ARHGAP39: variants seen among roughly 807,000 people sequenced by gnomAD.
ARHGAP39 encodes Rho GTPase activating protein 39, also known as rho GTPase-activating protein 39.
Under a neutral mutation model 106.9 loss-of-function variants are expected in ARHGAP39, and 44 were observed. That is an observed-to-expected ratio of 0.41 (90% confidence interval 0.32 to 0.53). The LOEUF (loss-of-function observed/expected upper bound fraction) is 0.53, where lower values mean the gene tolerates loss of function less well. Ranked by LOEUF, ARHGAP39 falls within the 20% of genes least tolerant of loss-of-function variation. The probability of loss-of-function intolerance (pLI) is 0.21; values close to 1 mark genes in which losing one functional copy is unlikely to be tolerated. For synonymous variants in ARHGAP39, 768 were observed against 693.2 expected (o/e 1.11, Z -1.69); for missense variants, 1,496 against 1,577.3 (o/e 0.95, Z 0.87).
intron 2 of ARHGAP39, among the ~76,000 whole-genome samples, chr8:144,596,405 G>A (rs1819625715): frequency 6.6e-6 from 1 of 152,142 alleles, no homozygotes; most frequent in Non-Finnish European, 1.5e-5. Context: ...CCCCGGCGCT[G>A]TCCATCACCG....
At chr8:144,622,915 G>A (rs563734675) in intron 1 of ARHGAP39, among the ~76,000 whole-genome samples, 124 of 152,310 alleles carry the variant, frequency 8.1e-4, no homozygotes, top group African/African-American at 2.8e-3. Flanking sequence ...GCCGGGGGAC[G>A]CCCCAAGGCT....
intron 1 of ARHGAP39, 195 bp from the exon 2 acceptor site, chr8:144,605,890 C>G (rs989122380): frequency 2.7e-5 from 13 of 489,566 alleles, no homozygotes; most frequent in African/African-American, 1.9e-4. Context: ...GAAGCCTGGC[C>G]AGCCCCACAC....
chr8:144,588,817 A>G (rs1256949233), intron 2 of ARHGAP39, among the ~76,000 whole-genome samples: 1 of 152,240 alleles, frequency 6.6e-6, no homozygotes, highest in Non-Finnish European at 1.5e-5. Context: ...GCGCCGTGAC[A>G]TGAGAGCAGC....
At chr8:144,674,448 G>C (rs1418872488) in intron 1 of ARHGAP39, among the ~76,000 whole-genome samples, 1 of 152,232 alleles carries the variant, frequency 6.6e-6, no homozygotes, top group Non-Finnish European at 1.5e-5. Context: ...GTCTGGCTGA[G>C]TCCAGGGTTT....
intron 1 of ARHGAP39, among the ~76,000 whole-genome samples, chr8:144,609,223 T>C (rs1820398144): frequency 6.6e-6 from 1 of 152,184 alleles, no homozygotes; most frequent in Non-Finnish European, 1.5e-5. Flanking sequence ...GTCAAGTTAT[T>C]TTTTAAATTA....
Position 144,532,296 on chromosome 8 carries a change from G to C in ARHGAP39, c.2980+9C>G, listed in dbSNP as rs761333246. 4 of 1,612,222 alleles carry C rather than the reference G, an allele frequency of 2.5e-6. No individual in the cohort carries two copies. The East Asian group carries it at 8.9e-5, about 36-fold the overall frequency. ...GCCCGCTCTGCTGCAGCGTGTGTGG[G>C]GGACTCACCAGGGACGTGGGGGTCT... On this transcript the variant is annotated intron_variant, in intron 10 of 11. Coordinates refer to ENST00000377307, the MANE Select transcript of ARHGAP39 (RefSeq NM_025251.3).
intron 1 of ARHGAP39, among the ~76,000 whole-genome samples, chr8:144,640,202 G>A (rs1022953705): frequency 4.6e-5 from 7 of 152,114 alleles, no homozygotes; most frequent in Admixed American, 2.6e-4. Context: ...TTGGACTCTC[G>A]CGTGGCTCAG....
chr8:144,620,836 G>A (rs890557847), intron 1 of ARHGAP39, among the ~76,000 whole-genome samples: 9 of 152,258 alleles, frequency 5.9e-5, no homozygotes, highest in South Asian at 2.1e-4. Flanking sequence ...TACAGAAGAG[G>A]GGCCGTGAGG....
At chr8:144,564,461 G>T (rs918366150) in intron 3 of ARHGAP39, among the ~76,000 whole-genome samples, 28 of 152,064 alleles carry the variant, frequency 1.8e-4, no homozygotes, top group African/African-American at 6.0e-4. Context: ...ATAACTTGGA[G>T]AAGGGGAAAA....
chr8:144,547,623 G>A lies in ARHGAP39; in HGVS notation c.1463C>T (p.Ser488Phe), dbSNP rs768817350. Residue 488 changes from serine to phenylalanine, a missense_variant, in exon 5 of 12, where the codon TCC (serine) becomes TTC (phenylalanine). Ser to Phe is a radical substitution (Grantham distance 155, BLOSUM62 -2). Transcript: ENST00000377307. The surrounding 1 kb of genome is among the most constrained non-coding windows in gnomAD (Gnocchi z 5.2). Reference sequence around the variant, plus strand: ...GCTCTTCCGCTTGCGCGTGCCCGGGGAGTAGCCTGTGGAGGACAGGGTGTC... The same window carrying A: ...GCTCTTCCGCTTGCGCGTGCCCGGGAAGTAGCCTGTGGAGGACAGGGTGTC... ...QQDTLSSTGY[S>F]PGTRKRKSRK... 9.3e-6 allele frequency: 14 copies of A among 1,508,136 alleles called. No individual in the cohort carries two copies. Among genetic ancestry groups the A allele is most frequent in the South Asian group, 3.8e-5 (3 of 78,788 alleles). The allele number at this position is 1,508,136 out of a possible 1,614,324, so 93.4% of individuals were successfully genotyped here. A position where few individuals can be genotyped will look rare whatever the true frequency, so the allele number is the denominator to read the frequency against.
chr8:144,604,088 G>A lies in ARHGAP39; in HGVS notation c.80+1447C>T, dbSNP rs904965026. Among the ~76,000 whole-genome samples the A allele has an allele frequency of 2.6e-5, 4 of 152,200 alleles. No homozygotes were observed. The highest frequency in any genetic ancestry group is 1.3e-4 in the Admixed American group (2 of 15,292). On this transcript the variant is annotated intron_variant, in intron 2 of 11. Transcript: ENST00000377307. This position sits in a 1 kb window ranked among gnomAD's most constrained non-coding sequence, Gnocchi z 4.1. ...TCCTGCTCAGGTCAAGGCAGAGTGCGGATCGCAACTGTGGAAGGTGCACAG... is the reference window on the plus strand; with the variant it reads ...TCCTGCTCAGGTCAAGGCAGAGTGCAGATCGCAACTGTGGAAGGTGCACAG...
At chr8:144,665,420 C>T (rs113018960) in intron 1 of ARHGAP39, among the ~76,000 whole-genome samples, 9,103 of 152,310 alleles carry the variant, frequency 0.06, 668 homozygotes, top group East Asian at 0.25. Flanking sequence ...AGCTGAATGT[C>T]AATCCCCAAG....
intron 2 of ARHGAP39, among the ~76,000 whole-genome samples, chr8:144,601,172 GCGT>G (rs1409753850): frequency 1.4e-5 from 2 of 143,588 alleles, no homozygotes; most frequent in Non-Finnish European, 3.0e-5. Context: ...GTGCATGGAG[GCGT>G]GCGTGCAAGC....
Position 144,529,194 on chromosome 8 carries a change from C to T in ARHGAP39, c.*1228G>A. The T allele has an allele frequency of 2.8e-6, 1 of 355,522 alleles. No homozygotes were observed. Among genetic ancestry groups the T allele is most frequent in the Non-Finnish European group, 5.1e-6 (1 of 198,008 alleles). The allele number at this position is 355,522 out of a possible 1,614,324, so 22.0% of individuals were successfully genotyped here. A position where few individuals can be genotyped will look rare whatever the true frequency, so the allele number is the denominator to read the frequency against. On this transcript the variant is annotated 3_prime_UTR_variant, in exon 12 of 12. Transcript: ENST00000377307. ...GGAGGACGCGCAGGGTCCATGTGCA[C>T]TTTATTCACTCGTGTCGTCGCCTCT...
intron 1 of ARHGAP39, among the ~76,000 whole-genome samples, chr8:144,682,363 C>G (rs1315919545): frequency 6.7e-6 from 1 of 149,880 alleles, no homozygotes; most frequent in Non-Finnish European, 1.5e-5. Context: ...TCTTGGCTAA[C>G]ATGGTGAAAC....
chr8:144,626,575 CACACT>C (rs1820921364), intron 1 of ARHGAP39, among the ~76,000 whole-genome samples: 1 of 142,722 alleles, frequency 7.0e-6, no homozygotes, highest in African/African-American at 2.6e-5. Flanking sequence ...GCACCCACTG[CACACT>C]GCGGCATCCC....
chr8:144,681,346 C>T (rs376622516), intron 1 of ARHGAP39, among the ~76,000 whole-genome samples: 1 of 152,124 alleles, frequency 6.6e-6, no homozygotes, highest in African/African-American at 2.4e-5. Flanking sequence ...TCCAGCTCTG[C>T]GAGGGAGTCT....
chr8:144,565,071 T>C (rs1818344286), intron 3 of ARHGAP39, among the ~76,000 whole-genome samples: 1 of 151,750 alleles, frequency 6.6e-6, no homozygotes, highest in African/African-American at 2.4e-5. Flanking sequence ...GATTGCGCCA[T>C]TGCACTCCAG....
rs1822092506 is a variant in ARHGAP39, at chr8:144,671,209, G to A, written c.-82+14477C>T. On this transcript the variant is annotated intron_variant, in intron 1 of 11. Coordinates refer to ENST00000377307, the MANE Select transcript of ARHGAP39 (RefSeq NM_025251.3). This position sits in a 1 kb window ranked among gnomAD's most constrained non-coding sequence, Gnocchi z 4.5. ...CTGCGGGTCACTGACAAGAGTCTCT[G>A]CCCTGCAGCATCTCCCAGCCAGGGG... 1.3e-5 allele frequency among the ~76,000 whole-genome samples: 2 copies of A among 152,324 alleles called. No individual in the cohort carries two copies. Among genetic ancestry groups the A allele is most frequent in the East Asian group, 3.9e-4 (2 of 5,190 alleles).
Sources: gnomAD v4.1 joint callset for allele counts (sites outside exome capture counted in the v4.1 genomes callset) on GRCh38, gnomAD v4.1.1 for gene constraint, Gnocchi (gnomAD v3.1) non-coding constraint, MANE v1.5 for transcripts, NCBI Gene and HGNC (gene_info 2026-07-23, HGNC 2026-07-21) for gene names.